The following IKBIP variants were observed in gnomAD, a reference collection of about 807,000 sequenced individuals.
The protein encoded by IKBIP is IKBKB interacting protein.
In IKBIP, 28 loss-of-function variants were observed where a neutral mutation model predicts 31.0. The observed-to-expected ratio is 0.90, with a 90% CI of 0.67 to 1.24. The LOEUF is 1.24. IKBIP is among the 50% of genes most tolerant of loss of function. The probability of loss-of-function intolerance (pLI) is 0.00; values close to 1 mark genes in which losing one functional copy is unlikely to be tolerated. For missense variants in IKBIP, 453 were observed against 441.9 expected (o/e 1.03, Z -0.23); for synonymous variants, 164 against 160.3 (o/e 1.02, Z -0.17).
At chr12:98,623,438 T>A (rs2097611611), downstream of IKBIP, among the ~76,000 whole-genome samples, 1 of 138,898 alleles carries the variant, frequency 7.2e-6, no homozygotes, top group Non-Finnish European at 1.6e-5. Context: ...AGACATGAGG[T>A]CTCACCATGT....
chr12:98,614,945 A>C (rs2097605463), intron 2 of IKBIP, among the ~76,000 whole-genome samples: 1 of 152,224 alleles, frequency 6.6e-6, no homozygotes, highest in Admixed American at 6.5e-5. Context: ...AATGAGCTAC[A>C]TGAGACAGTG....
At chr12:98,636,297 G>A (rs748337627) in intron 1 of IKBIP, among the ~76,000 whole-genome samples, 182 of 152,282 alleles carry the variant, frequency 1.2e-3, no homozygotes, top group Non-Finnish European at 2.2e-3. Context: ...CTTGGATGTT[G>A]GAAACTCAAC....
intron 1 of IKBIP, among the ~76,000 whole-genome samples, chr12:98,640,598 G>C (rs1052723878): frequency 6.6e-5 from 10 of 152,102 alleles, no homozygotes; most frequent in Admixed American, 3.3e-4. Context: ...TTTGTGTCTT[G>C]TTTAGTAATT....
intron 2 of IKBIP, among the ~76,000 whole-genome samples, chr12:98,616,303 A>G (rs1415314717): frequency 6.6e-6 from 1 of 152,028 alleles, no homozygotes; most frequent in Non-Finnish European, 1.5e-5. Context: ...CTTTTGAGAA[A>G]TGTCTATTCA....
intron 1 of IKBIP, among the ~76,000 whole-genome samples, chr12:98,635,519 TGATATC>T (rs1447575116): frequency 2.0e-5 from 3 of 152,172 alleles, no homozygotes; most frequent in African/African-American, 7.2e-5. Context: ...TAAGATGGTG[TGATATC>T]TGTAATAGAT....
chr12:98,626,345 T>A lies in IKBIP; in HGVS notation c.719A>T (p.Lys240Met). 6.2e-7 allele frequency: 1 copy of A among 1,614,176 alleles called. No homozygotes were observed. The highest frequency in any genetic ancestry group is 2.2e-5 in the East Asian group (1 of 44,882). ...GAGGGCATGCTGTTCCTCTTCTAAC[T>A]TTTCAATTGCCTTTGTATCAGAGCC... ...QLGSDTKAIEKLEEEQHALFA... is the reference protein window; with the variant it reads ...QLGSDTKAIEMLEEEQHALFA... Residue 240 changes from lysine to methionine, a missense_variant, in exon 3 of 3, where the codon AAG becomes ATG. Coordinates refer to ENST00000299157, the MANE Select transcript of IKBIP (RefSeq NM_153687.4).
intron 1 of IKBIP, among the ~76,000 whole-genome samples, chr12:98,638,595 T>C (rs960468380): frequency 3.3e-5 from 5 of 150,192 alleles, no homozygotes; most frequent in Admixed American, 1.3e-4. Context: ...AGGGTTGTAG[T>C]TTGTTTTTCG....
chr12:98,621,764 A>G (rs2097610305), downstream of IKBIP, among the ~76,000 whole-genome samples: 1 of 152,164 alleles, frequency 6.6e-6, no homozygotes, highest in South Asian at 2.1e-4. Flanking sequence ...TAGGTAATCA[A>G]TATATAGAGC....
chr12:98,640,075 T>A (rs1012173639), intron 1 of IKBIP, among the ~76,000 whole-genome samples: 2 of 152,176 alleles, frequency 1.3e-5, no homozygotes, highest in Admixed American at 1.3e-4. Context: ...ACCAGAGTTA[T>A]ACAACTTGCT....
intron 2 of IKBIP, among the ~76,000 whole-genome samples, chr12:98,631,086 T>C (rs1331734988): frequency 2.0e-5 from 3 of 150,672 alleles, no homozygotes; most frequent in Admixed American, 1.3e-4. Flanking sequence ...GCATGCACCA[T>C]CATGCCCAGG....
chr12:98,625,852 G>C lies in IKBIP; in HGVS notation c.*78C>G. On this transcript the variant is annotated 3_prime_UTR_variant, in exon 3 of 3. Coordinates refer to ENST00000299157, the MANE Select transcript of IKBIP (RefSeq NM_153687.4). Reference sequence around the variant, plus strand: ...CCAATAATGTAGGATAAGATGAGGCGTATCAAAGTAACTCAAAATCAATGG... The same window carrying C: ...CCAATAATGTAGGATAAGATGAGGCCTATCAAAGTAACTCAAAATCAATGG... The C allele has an allele frequency of 1.7e-6, 2 of 1,175,690 alleles. No individual in the cohort carries two copies. Among genetic ancestry groups the C allele is most frequent in the South Asian group, 2.8e-5 (1 of 35,236 alleles). 72.8% of individuals were successfully genotyped at this position (1,175,690 alleles called of 1,614,324 possible).
intron 2 of IKBIP, among the ~76,000 whole-genome samples, chr12:98,632,828 T>C (rs1335048242): frequency 5.3e-5 from 8 of 151,840 alleles, no homozygotes; most frequent in Admixed American, 1.3e-4. Flanking sequence ...GGTTTCGCCA[T>C]GTTGGCCAAT....
At chr12:98,641,437 AT>A (rs1434401433) in intron 1 of IKBIP, among the ~76,000 whole-genome samples, 2 of 152,238 alleles carry the variant, frequency 1.3e-5, no homozygotes, top group Non-Finnish European at 2.9e-5. Flanking sequence ...GCTTTTAAGT[AT>A]TTTAAGATGC....
At position 98,613,998 on chromosome 12, in the gene IKBIP, TA is replaced by T; in HGVS notation, c.639del (p.Asn213LysfsTer2). 1 of 1,610,438 alleles carries T rather than the reference TA, an allele frequency of 6.2e-7. No homozygotes were observed. Among genetic ancestry groups the T allele is most frequent in the Non-Finnish European group, 8.5e-7 (1 of 1,178,538 alleles). On this transcript the variant is annotated frameshift_variant, in exon 3 of 3. Coordinates refer to the IKBIP transcript ENST00000342502. LOFTEE classifies it high-confidence loss of function. ...ATACTGCTTGAAAGAAGATCACCTA[TA>T]TTTTTTACTGTATTTTTTTCTACTT...
chr12:98,634,560 G>C, intron 1 of IKBIP, 147 bp from the exon 2 acceptor site: 3 of 553,742 alleles, frequency 5.4e-6, no homozygotes, highest in Non-Finnish European at 9.5e-6. Context: ...TTTCACACAG[G>C]GTCTCACTCT....
chr12:98,632,484 A>G lies in IKBIP; in HGVS notation c.297+1812T>C, dbSNP rs12822958. ...GGATGACAGGGAGAGACTCTATCTG[A>G]AAAAAAAAAAAAAAAAAAAAAAAAA... is the stretch of plus-strand genomic sequence containing the variant. On this transcript the variant is annotated intron_variant, in intron 2 of 2. Coordinates refer to ENST00000299157, the MANE Select transcript of IKBIP (RefSeq NM_153687.4). 6.0e-3 allele frequency among the ~76,000 whole-genome samples: 113 copies of G among 18,690 alleles called. 1 individual carries two copies. Among genetic ancestry groups the G allele is most frequent in the African/African-American group, 0.021 (103 of 4,904 alleles). The allele number at this position is 18,690 out of a possible 152,430, so 12.3% of individuals were successfully genotyped here.
chr12:98,621,521 A>G (rs2153295263), downstream of IKBIP, among the ~76,000 whole-genome samples: 1 of 152,308 alleles, frequency 6.6e-6, no homozygotes, highest in African/African-American at 2.4e-5. Context: ...TTTTTGAGTT[A>G]TCGAGATAGT....
In IKBIP at chr12:98,624,716, A is replaced by T. The variant is rs1000343935; in HGVS notation, c.*1214T>A. ...TGTGGTTTGGGAAATCTTTAAAATGACGTATTTTTAACTATCATAGTTATT... is the reference window on the plus strand; with the variant it reads ...TGTGGTTTGGGAAATCTTTAAAATGTCGTATTTTTAACTATCATAGTTATT... On this transcript the variant is annotated 3_prime_UTR_variant, in exon 3 of 3. Transcript: ENST00000299157. 58 of 895,156 alleles carry T rather than the reference A, an allele frequency of 6.5e-5. No individual in the cohort carries two copies. In the African/African-American group the frequency reaches 9.2e-4, roughly 14 times the overall value. 55.5% of individuals were successfully genotyped at this position (895,156 alleles called of 1,614,324 possible).
chr12:98,643,334 A>C (rs981723078), intron 1 of IKBIP, among the ~76,000 whole-genome samples: 1 of 152,218 alleles, frequency 6.6e-6, no homozygotes, highest in African/African-American at 2.4e-5. Flanking sequence ...TAGCATAAAA[A>C]ATGTCTAGAT....
Sources: allele counts gnomAD v4.1 joint callset (sites outside exome capture counted in the v4.1 genomes callset), GRCh38; gene constraint gnomAD v4.1.1; transcripts MANE v1.5; gene names NCBI Gene and HGNC (gene_info 2026-07-23, HGNC 2026-07-21).